Variants in CALN1 observed in about 807,000 individuals in gnomAD.
CALN1 encodes calcium-binding protein 8.
In CALN1, 17 loss-of-function variants were observed where a neutral mutation model predicts 30.6. That is an observed-to-expected ratio of 0.56 (90% confidence interval 0.38 to 0.83). The LOEUF is 0.83. Ranked by LOEUF, CALN1 falls within the 40% of genes least tolerant of loss-of-function variation. The probability of loss-of-function intolerance (pLI) is 0.00; values close to 1 mark genes in which losing one functional copy is unlikely to be tolerated. For synonymous variants in CALN1, 156 were observed against 131.4 expected (o/e 1.19, Z -1.28); for missense variants, 291 against 354.9 (o/e 0.82, Z 1.45).
At chr7:71,910,405 G>A (rs112604582) in intron 5 of CALN1, among the ~76,000 whole-genome samples, 3,551 of 152,256 alleles carry the variant, frequency 0.023, 127 homozygotes, top group African/African-American at 0.077. Context: ...TTCCTCTTAC[G>A]TGCCAGAAGG....
chr7:72,214,496 G>C (rs1383118517), intron 3 of CALN1, among the ~76,000 whole-genome samples: 1 of 151,898 alleles, frequency 6.6e-6, no homozygotes, highest in Non-Finnish European at 1.5e-5. Flanking sequence ...AAAAGAAAAA[G>C]AAGAGAAAGA....
rs138634296 is a variant in CALN1, at chr7:71,781,413, G to T, written c.*6362C>A. 2.6e-5 allele frequency: 4 copies of T among 152,260 alleles called. No individual in the cohort carries two copies. The highest frequency in any genetic ancestry group is 2.6e-4 in the Admixed American group (4 of 15,268). 9.4% of individuals were successfully genotyped at this position (152,260 alleles called of 1,614,324 possible). A position where few individuals can be genotyped will look rare whatever the true frequency, so the allele number is the denominator to read the frequency against. ...ATGTCAGCATCCTCCCAGGAATGGC[G>T]AGCTACCAGCCTGCTCTTGAAATGC... On this transcript the variant is annotated 3_prime_UTR_variant, in exon 7 of 7. Coordinates refer to ENST00000395275, the MANE Select transcript of CALN1 (RefSeq NM_031468.4).
intron 5 of CALN1, among the ~76,000 whole-genome samples, chr7:71,819,234 G>T (rs1307856151): frequency 4.7e-5 from 7 of 147,910 alleles, no homozygotes; most frequent in Non-Finnish European, 8.9e-5. Flanking sequence ...TTGAGACAGG[G>T]TTTCACTCTT....
In CALN1 at chr7:72,083,021, C is replaced by T. The variant is rs548465930; in HGVS notation, c.388+23130G>A. Among the ~76,000 whole-genome samples, 297 of 152,012 alleles carry T rather than the reference C, an allele frequency of 2.0e-3. 2 individuals are homozygous for T. Among genetic ancestry groups the T allele is most frequent in the African/African-American group, 6.8e-3 (280 of 41,458 alleles). On this transcript the variant is annotated intron_variant, in intron 4 of 6. Transcript: ENST00000395275. Reference sequence around the variant, plus strand: ...TTCGAGACCAGCCTGGCCAACTTGGCGAAACCCTGTCTCTATTAAAAATAC... The same window carrying T: ...TTCGAGACCAGCCTGGCCAACTTGGTGAAACCCTGTCTCTATTAAAAATAC...
intron 5 of CALN1, among the ~76,000 whole-genome samples, chr7:71,978,693 G>A (rs1404376857): frequency 1.3e-5 from 2 of 152,124 alleles, no homozygotes; most frequent in African/African-American, 4.8e-5. Flanking sequence ...TTCCCATTGT[G>A]CATATAGAGA....
intron 5 of CALN1, among the ~76,000 whole-genome samples, chr7:71,844,031 G>A (rs952437200): frequency 6.6e-6 from 1 of 152,058 alleles, no homozygotes; most frequent in Admixed American, 6.6e-5. Flanking sequence ...TGGGCATTCT[G>A]GCATTTATAG....
intron 5 of CALN1, among the ~76,000 whole-genome samples, chr7:71,860,731 T>A (rs1206069319): frequency 6.6e-6 from 1 of 152,164 alleles, no homozygotes. Context: ...TAAGGCCACG[T>A]ACCACTGCCA....
intron 3 of CALN1, among the ~76,000 whole-genome samples, chr7:72,201,741 A>ATT (rs2129547448): frequency 1.3e-5 from 2 of 150,270 alleles, no homozygotes; most frequent in South Asian, 4.2e-4. Context: ...TCTGATTAAA[A>ATT]AAAAAAAAAA....
chr7:72,491,141 G>A, the CALN1 span, among the ~76,000 whole-genome samples: 2 of 152,038 alleles, frequency 1.3e-5, no homozygotes, highest in East Asian at 1.9e-4. Flanking sequence ...CTACTCGGGA[G>A]GCTGAGGCAG....
intron 3 of CALN1, among the ~76,000 whole-genome samples, chr7:72,239,279 T>C (rs76966902): frequency 0.031 from 4,754 of 152,160 alleles, 241 homozygotes; most frequent in African/African-American, 0.11. Flanking sequence ...GTCCTTGTAT[T>C]CTCAGCTACG....
chr7:71,846,091 A>G (rs1244416676), intron 5 of CALN1, among the ~76,000 whole-genome samples: 1 of 152,160 alleles, frequency 6.6e-6, no homozygotes, highest in African/African-American at 2.4e-5. Context: ...CCTGGATGTC[A>G]TCGTCTTCTG....
intron 6 of CALN1, among the ~76,000 whole-genome samples, chr7:71,790,427 G>A (rs541323192): frequency 4.0e-5 from 6 of 149,582 alleles, no homozygotes; most frequent in Admixed American, 1.3e-4. Context: ...AAAGAAAGAA[G>A]CAAGCAAGCA....
At chr7:72,392,200 G>C (rs1481131679) in intron 2 of CALN1, among the ~76,000 whole-genome samples, 3 of 152,068 alleles carry the variant, frequency 2.0e-5, no homozygotes, top group Non-Finnish European at 4.4e-5. Context: ...CCAGGCACCT[G>C]ACATGGAAGT....
At chr7:72,024,775 T>G (rs1800945527) in intron 4 of CALN1, among the ~76,000 whole-genome samples, 1 of 152,118 alleles carries the variant, frequency 6.6e-6, no homozygotes, top group Non-Finnish European at 1.5e-5. Context: ...TTTGCATCAA[T>G]TTGTCCCCAA....
At chr7:71,790,269 AAAGC>A (rs908178838) in intron 6 of CALN1, among the ~76,000 whole-genome samples, 1 of 151,372 alleles carries the variant, frequency 6.6e-6, no homozygotes, top group Non-Finnish European at 1.5e-5. Flanking sequence ...AGAAAGCAAG[AAAGC>A]AAGCAAGAAA....
chr7:71,904,515 T>C (rs1794025579), intron 5 of CALN1, among the ~76,000 whole-genome samples: 1 of 152,138 alleles, frequency 6.6e-6, no homozygotes, highest in African/African-American at 2.4e-5. Flanking sequence ...AAGTTGAGAA[T>C]AGAATGGTGG....
intron 5 of CALN1, among the ~76,000 whole-genome samples, chr7:71,984,873 C>A (rs1344178352): frequency 1.3e-5 from 2 of 152,122 alleles, no homozygotes; most frequent in African/African-American, 4.8e-5. Context: ...AATTAAGTAT[C>A]CACACATGGT....
At chr7:72,031,724 C>T (rs557110650) in intron 4 of CALN1, among the ~76,000 whole-genome samples, 30 of 150,404 alleles carry the variant, frequency 2.0e-4, no homozygotes, top group Middle Eastern at 6.8e-3. Flanking sequence ...TGTGCCACCA[C>T]GCCTGGCTAA....
chr7:72,291,747 G>T (rs961178690), intron 2 of CALN1, among the ~76,000 whole-genome samples: 1 of 152,112 alleles, frequency 6.6e-6, no homozygotes, highest in African/African-American at 2.4e-5. Flanking sequence ...CAAGTAGCTG[G>T]GATGACAGGC....
Sources: gnomAD v4.1 joint callset for allele counts (sites outside exome capture counted in the v4.1 genomes callset) on GRCh38, gnomAD v4.1.1 for gene constraint, MANE v1.5 for transcripts, NCBI Gene and HGNC (gene_info 2026-07-23, HGNC 2026-07-21) for gene names.